EPHB1: variants seen among roughly 807,000 people sequenced by gnomAD.
EPHB1 encodes the protein EPH receptor B1, also known as ephrin type-B receptor 1.
EPHB1 carries 30 observed loss-of-function variants against 94.4 expected under a neutral mutation model. The ratio of observed to expected loss-of-function variants is 0.32; its 90% CI spans 0.24 to 0.43. The LOEUF is 0.43. Ranked by LOEUF, EPHB1 falls within the 20% of genes least tolerant of loss-of-function variation. The pLI is 1.00. For synonymous variants in EPHB1, 522 were observed against 489.1 expected (o/e 1.07, Z -0.89); for missense variants, 1,055 against 1,308.3 (o/e 0.81, Z 2.99).
chr3:135,114,779 G>T (rs1939621935), intron 4 of EPHB1, among the ~76,000 whole-genome samples: 1 of 131,492 alleles, frequency 7.6e-6, no homozygotes, highest in African/African-American at 2.7e-5. Flanking sequence ...AACAATATTT[G>T]GCATACAGGA....
chr3:134,817,502 C>T (rs1432526160), intron 1 of EPHB1, among the ~76,000 whole-genome samples: 10 of 152,190 alleles, frequency 6.6e-5, no homozygotes, highest in African/African-American at 1.2e-4. Context: ...CTGTCCCCAC[C>T]GTGGCCTTAG....
intron 1 of EPHB1, among the ~76,000 whole-genome samples, chr3:134,797,087 C>T (rs998542095): frequency 6.6e-6 from 1 of 152,194 alleles, no homozygotes; most frequent in African/African-American, 2.4e-5. Flanking sequence ...GTTCTGGTGG[C>T]GGCGTGGGGG....
At chr3:135,225,680 C>T (rs1943378395) in intron 12 of EPHB1, among the ~76,000 whole-genome samples, 1 of 151,964 alleles carries the variant, frequency 6.6e-6, no homozygotes, top group East Asian at 1.9e-4. Flanking sequence ...TTTAGGAAGG[C>T]CACACCTCAG....
At chr3:134,991,638 C>A (rs1559785773) in intron 3 of EPHB1, among the ~76,000 whole-genome samples, 1 of 152,186 alleles carries the variant, frequency 6.6e-6, no homozygotes, top group Non-Finnish European at 1.5e-5. Context: ...TCACCCCTTG[C>A]CCCAGTGCAA....
chr3:134,940,205 G>A (rs916372418), intron 2 of EPHB1, among the ~76,000 whole-genome samples: 2 of 152,194 alleles, frequency 1.3e-5, no homozygotes, highest in African/African-American at 2.4e-5. Context: ...ACACCCTGGT[G>A]ACTCAGCTGG....
rs559144508 is a variant in EPHB1, at chr3:135,066,102, C to G, written c.806-40346C>G. ...TGACAGGTTTTCCTTTATAGCTTAC[C>G]TGGTGCTTTTGTCTCACAGCTCTTG... is the stretch of plus-strand genomic sequence containing the variant. On this transcript the variant is annotated intron_variant, in intron 3 of 15. Transcript: ENST00000398015. Among the ~76,000 whole-genome samples, 5 of 152,258 alleles carry G rather than the reference C, an allele frequency of 3.3e-5. No homozygotes were observed. In the East Asian group the frequency reaches 9.6e-4, roughly 29 times the overall value.
chr3:135,074,875 G>A (rs1294909551), intron 3 of EPHB1, among the ~76,000 whole-genome samples: 2 of 152,192 alleles, frequency 1.3e-5, no homozygotes, highest in Non-Finnish European at 2.9e-5. Flanking sequence ...CAGAGTATCA[G>A]GGTGGTGGGG....
chr3:134,921,322 C>G (rs897401242), intron 1 of EPHB1, among the ~76,000 whole-genome samples: 3 of 152,196 alleles, frequency 2.0e-5, no homozygotes, highest in African/African-American at 7.2e-5. Context: ...CTGCCCACCC[C>G]TTTCCAGGAA....
chr3:135,145,891 A>AT (rs1315462962), intron 5 of EPHB1, among the ~76,000 whole-genome samples: 1 of 152,068 alleles, frequency 6.6e-6, no homozygotes, highest in Non-Finnish European at 1.5e-5. Flanking sequence ...GAACTAAGGG[A>AT]TTTTCTGACT....
chr3:135,059,015 TACTC>T (rs1321301748), intron 3 of EPHB1, among the ~76,000 whole-genome samples: 2 of 152,356 alleles, frequency 1.3e-5, no homozygotes, highest in African/African-American at 4.8e-5. Flanking sequence ...GTTTTTAAAC[TACTC>T]ACTCAAGCTT....
intron 2 of EPHB1, among the ~76,000 whole-genome samples, chr3:134,950,095 CT>C (rs1242436257): frequency 1.3e-5 from 2 of 152,222 alleles, no homozygotes; most frequent in African/African-American, 2.4e-5. Context: ...TGCATGATGT[CT>C]TTTCATCTGT....
chr3:134,911,221 G>T lies in EPHB1; in HGVS notation c.59-14595G>T, dbSNP rs377316541. On this transcript the variant is annotated intron_variant, in intron 1 of 15. Transcript: ENST00000398015. ...CTGAGTGCAAGGTACTCTGCAAGGT[G>T]TGGCAGCCCATGGGTGAGAGTGAAG... Among the ~76,000 whole-genome samples, 3 of 152,340 alleles carry T rather than the reference G, an allele frequency of 2.0e-5. No homozygotes were observed. The East Asian group carries it at 5.8e-4, about 29-fold the overall frequency.
At chr3:135,082,326 C>A (rs773179505) in intron 3 of EPHB1, among the ~76,000 whole-genome samples, 1 of 152,342 alleles carries the variant, frequency 6.6e-6, no homozygotes, top group Non-Finnish European at 1.5e-5. Context: ...ACAGGCTGTG[C>A]TCTCAGAAGA....
intron 5 of EPHB1, among the ~76,000 whole-genome samples, chr3:135,145,433 A>T (rs1463249415): frequency 1.3e-5 from 2 of 152,160 alleles, no homozygotes; most frequent in Non-Finnish European, 2.9e-5. Context: ...GGACTTCTGG[A>T]GACTGCTCAG....
At chr3:135,216,194 G>T (rs1943145328) in intron 12 of EPHB1, among the ~76,000 whole-genome samples, 1 of 152,116 alleles carries the variant, frequency 6.6e-6, no homozygotes, top group Non-Finnish European at 1.5e-5. Context: ...CGAGGGCACA[G>T]GGCCAGTAGG....
chr3:134,946,267 G>GT (rs959744967), intron 2 of EPHB1, among the ~76,000 whole-genome samples: 23 of 152,176 alleles, frequency 1.5e-4, no homozygotes, highest in Non-Finnish European at 2.9e-4. Flanking sequence ...GATCGCCTGT[G>GT]TTTTTTTCTC....
chr3:135,241,630 T>C (rs16842870), intron 13 of EPHB1, among the ~76,000 whole-genome samples: 60,044 of 152,076 alleles, frequency 0.39, 12,696 homozygotes, highest in Admixed American at 0.47. Context: ...CTTCTAAGTG[T>C]TCAGGTTCTG....
intron 1 of EPHB1, among the ~76,000 whole-genome samples, chr3:134,808,443 G>C (rs1168206715): frequency 2.6e-5 from 4 of 152,146 alleles, no homozygotes; most frequent in Non-Finnish European, 5.9e-5. Flanking sequence ...AGATAGGGGA[G>C]AGCTGGTCAC....
rs542547062 is a variant in EPHB1 at position 135,008,457 on chromosome 3, T to A, written c.805+56405T>A. On this transcript the variant is annotated intron_variant, in intron 3 of 15. Coordinates refer to ENST00000398015, the MANE Select transcript of EPHB1 (RefSeq NM_004441.5). ...GTGTGTTCTTAAGCATTTCACTCTATGGCCTTGAAAAGCTCAGCCTCCATG... is the reference window on the plus strand; with the variant it reads ...GTGTGTTCTTAAGCATTTCACTCTAAGGCCTTGAAAAGCTCAGCCTCCATG... 1.2e-3 allele frequency among the ~76,000 whole-genome samples: 166 copies of A among 141,716 alleles called. 1 individual carries two copies. Among genetic ancestry groups the A allele is most frequent in the Non-Finnish European group, 4.4e-5 (3 of 67,960 alleles). The allele number at this position is 141,716 out of a possible 152,430, so 93.0% of individuals were successfully genotyped here.
Sources: gnomAD v4.1 joint callset for allele counts (sites outside exome capture counted in the v4.1 genomes callset) on GRCh38, gnomAD v4.1.1 for gene constraint, MANE v1.5 for transcripts, NCBI Gene and HGNC (gene_info 2026-07-23, HGNC 2026-07-21) for gene names.